NRXN3: variants seen among roughly 807,000 people sequenced by gnomAD.
NRXN3 encodes neurexin III.
A neutral mutation model predicts 137.6 loss-of-function variants in NRXN3; 32 were observed. That is an observed-to-expected ratio of 0.23 (90% CI 0.18 to 0.31). NRXN3 has a LOEUF of 0.31. Among genes scored for constraint, NRXN3 ranks in the 10% least tolerant of loss-of-function variants. NRXN3 has a pLI of 1.00. For missense variants in NRXN3, 1,574 were observed against 2,062.5 expected, an observed-to-expected ratio of 0.76 and a Z score of 4.59; for synonymous variants, 798 against 784.5, an observed-to-expected ratio of 1.02 and a Z score of -0.29.
At chr14:78,926,115 T>C (rs1858422685) in intron 10 of NRXN3, among the ~76,000 whole-genome samples, 1 of 152,190 alleles carries the variant, frequency 6.6e-6, no homozygotes, top group South Asian at 2.1e-4. Flanking sequence ...AAGTGTTCTT[T>C]TTAATAGGTA....
intron 2 of NRXN3, among the ~76,000 whole-genome samples, chr14:78,269,756 T>C (rs2072412768): frequency 6.6e-6 from 1 of 152,142 alleles, no homozygotes. Flanking sequence ...TATTTTGTAT[T>C]GAATTGAAAA....
chr14:79,133,072 C>A (rs1352991258), intron 15 of NRXN3, among the ~76,000 whole-genome samples: 2 of 152,252 alleles, frequency 1.3e-5, no homozygotes, highest in Non-Finnish European at 2.9e-5. Context: ...GCACTCTTTG[C>A]AGCTCAGGTC....
chr14:79,818,361 G>A (rs926172339), intron 20 of NRXN3, among the ~76,000 whole-genome samples: 5 of 152,072 alleles, frequency 3.3e-5, no homozygotes, highest in Non-Finnish European at 5.9e-5. Context: ...CCGCACTTGG[G>A]GTTTCTAGCT....
At position 78,717,439 on chromosome 14, in the gene NRXN3, C is replaced by T. The variant is rs183727886; in HGVS notation, c.2044+2300C>T. On this transcript the variant is annotated intron_variant, in intron 8 of 20. Coordinates refer to ENST00000335750, the MANE Select transcript of NRXN3 (RefSeq NM_001330195.2). ...GCTTAGCAAATTTAAGATATTTGAT[C>T]TATACATCGCTCAAATCCCAGACGG... Among the ~76,000 whole-genome samples, 200 of 152,282 alleles carry T rather than the reference C, an allele frequency of 1.3e-3. 4 individuals are homozygous for T. The highest frequency in any genetic ancestry group is 4.7e-3 in the African/African-American group (196 of 41,574).
Position 79,753,899 on chromosome 14 carries a change from A to G in NRXN3, c.4015-51213A>G, listed in dbSNP as rs2099008246. On this transcript the variant is annotated intron_variant, in intron 19 of 20. Coordinates refer to ENST00000335750, the MANE Select transcript of NRXN3 (RefSeq NM_001330195.2). ...GATTCAAAAAGCAAAGCAAACAAAC[A>G]AAATAACAACAACAAAAATACAAAT... Among the ~76,000 whole-genome samples the G allele has an allele frequency of 2.0e-5, 3 of 152,098 alleles. No homozygotes were observed. The South Asian group carries it at 6.2e-4, about 31-fold the overall frequency.
chr14:79,287,717 T>C (rs1018927507), intron 15 of NRXN3, among the ~76,000 whole-genome samples: 4 of 152,218 alleles, frequency 2.6e-5, no homozygotes, highest in African/African-American at 4.8e-5. Flanking sequence ...ATGGTCCTGA[T>C]ACATAGATTT....
chr14:79,848,806 G>A (rs2099385895), intron 20 of NRXN3, among the ~76,000 whole-genome samples: 1 of 151,996 alleles, frequency 6.6e-6, no homozygotes, highest in Non-Finnish European at 1.5e-5. Context: ...GACTTTAAAT[G>A]GCATCTATAT....
chr14:79,384,447 C>A (rs1350079348), intron 15 of NRXN3, among the ~76,000 whole-genome samples: 1 of 152,016 alleles, frequency 6.6e-6, no homozygotes, highest in South Asian at 2.1e-4. Context: ...TCTAAATGTG[C>A]CTTTGGCACT....
chr14:78,916,541 C>T (rs2099255873), intron 10 of NRXN3, among the ~76,000 whole-genome samples: 1 of 152,124 alleles, frequency 6.6e-6, no homozygotes, highest in Non-Finnish European at 1.5e-5. Flanking sequence ...TGTGGGAGTC[C>T]TTCTGTTAGA....
chr14:79,671,352 C>T (rs183270740), intron 17 of NRXN3, among the ~76,000 whole-genome samples: 246 of 152,206 alleles, frequency 1.6e-3, no homozygotes, highest in Middle Eastern at 0.014. Flanking sequence ...CAAATCTTGA[C>T]AATTTAGAAT....
chr14:79,277,337 A>C (rs2080444367), intron 15 of NRXN3, among the ~76,000 whole-genome samples: 1 of 152,194 alleles, frequency 6.6e-6, no homozygotes, highest in Non-Finnish European at 1.5e-5. Context: ...AGTTAAGCAG[A>C]GTCATCTAGG....
intron 3 of NRXN3, among the ~76,000 whole-genome samples, chr14:78,290,333 G>A (rs1207036678): frequency 6.6e-6 from 1 of 152,128 alleles, no homozygotes; most frequent in Non-Finnish European, 1.5e-5. Context: ...ACAACATCAA[G>A]ACAGCATGCC....
intron 4 of NRXN3, among the ~76,000 whole-genome samples, chr14:78,583,440 A>T (rs1243089610): frequency 6.6e-6 from 1 of 151,884 alleles, no homozygotes; most frequent in Non-Finnish European, 1.5e-5. Flanking sequence ...AAAAAAAACA[A>T]ACCCCAAAAA....
chr14:79,290,697 G>A (rs893976691), intron 15 of NRXN3, among the ~76,000 whole-genome samples: 2 of 151,722 alleles, frequency 1.3e-5, no homozygotes, highest in African/African-American at 4.8e-5. Flanking sequence ...CCACCACGCT[G>A]GTTGAAAATT....
At chr14:78,294,615 T>A (rs1042738781) in intron 3 of NRXN3, among the ~76,000 whole-genome samples, 2 of 150,658 alleles carry the variant, frequency 1.3e-5, no homozygotes, top group African/African-American at 4.9e-5. Context: ...AATTTGTATA[T>A]GTTAATCCTC....
intron 15 of NRXN3, among the ~76,000 whole-genome samples, chr14:79,132,175 G>C (rs1053191009): frequency 4.6e-5 from 7 of 152,360 alleles, no homozygotes; most frequent in Admixed American, 2.6e-4. Context: ...GACCAGAGCT[G>C]TTCCTATTCC....
At chr14:78,522,558 T>C (rs186524056) in intron 4 of NRXN3, among the ~76,000 whole-genome samples, 3 of 152,170 alleles carry the variant, frequency 2.0e-5, no homozygotes, top group Non-Finnish European at 4.4e-5. Flanking sequence ...CCAACATCTT[T>C]TTTTCCTTTG....
intron 15 of NRXN3, among the ~76,000 whole-genome samples, chr14:79,136,918 A>T (rs2058289959): frequency 1.3e-5 from 2 of 152,336 alleles, no homozygotes; most frequent in South Asian, 4.1e-4. Context: ...AAGAGCTCAG[A>T]AAACTACAGG....
intron 6 of NRXN3, among the ~76,000 whole-genome samples, chr14:78,696,813 T>G (rs1185700864): frequency 6.6e-6 from 1 of 152,074 alleles, no homozygotes; most frequent in East Asian, 1.9e-4. Context: ...TGTGAAACAC[T>G]AAGAACAATG....
Sources: allele counts gnomAD v4.1 joint callset (sites outside exome capture counted in the v4.1 genomes callset), GRCh38; gene constraint gnomAD v4.1.1; transcripts MANE v1.5; gene names NCBI Gene and HGNC (gene_info 2026-07-23, HGNC 2026-07-21).